C4orf51: variants seen among roughly 807,000 people sequenced by gnomAD.
The protein encoded by C4orf51 is uncharacterized protein C4orf51.
A neutral mutation model predicts 25.2 loss-of-function variants in C4orf51; 25 were observed. The observed-to-expected ratio is 0.99, with a 90% confidence interval of 0.72 to 1.39. The LOEUF is 1.39. C4orf51 is among the 40% of genes most tolerant of loss of function. The pLI is 0.00. For synonymous variants in C4orf51, 100 were observed against 84.5 expected, an observed-to-expected ratio of 1.18 and a Z score of -1.01; for missense variants, 252 against 239.6, an observed-to-expected ratio of 1.05 and a Z score of -0.34.
At chr4:145,716,118 C>T (rs1370066611) in intron 2 of C4orf51, among the ~76,000 whole-genome samples, 1 of 152,144 alleles carries the variant, frequency 6.6e-6, no homozygotes, top group Non-Finnish European at 1.5e-5. Flanking sequence ...TCAAAATTGT[C>T]TATTAATTAG....
chr4:145,691,982 G>T, intron 1 of C4orf51, among the ~76,000 whole-genome samples: 1 of 84,608 alleles, frequency 1.2e-5, no homozygotes, highest in African/African-American at 6.8e-5. Flanking sequence ...ACAGCTGATA[G>T]GAATGTAAGT....
At position 145,763,290 on chromosome 4, in the gene C4orf51, CAA is replaced by C. The variant is rs961045912; in HGVS notation, n.167-7696_167-7695del. 1.3e-5 allele frequency among the ~76,000 whole-genome samples: 2 copies of C among 152,234 alleles called. No individual in the cohort carries two copies. Among genetic ancestry groups the C allele is most frequent in the Non-Finnish European group, 2.9e-5 (2 of 68,048 alleles). On this transcript the variant is annotated intron_variant and non_coding_transcript_variant, in intron 1 of 1. Coordinates refer to the C4orf51 transcript ENST00000510096. This position sits in a 1 kb window ranked among gnomAD's most constrained non-coding sequence, Gnocchi z 4.6. ...CTCAATCTTTCTTTCACTGCTCAGG[CAA>C]AGTGCTAAGGGTTTTCCGTGCTCCC...
At position 145,690,976 on chromosome 4, in the gene C4orf51, G is replaced by C. The variant is rs145444734; in HGVS notation, c.234-5583G>C. 5.0e-3 allele frequency among the ~76,000 whole-genome samples: 762 copies of C among 152,214 alleles called. 3 individuals are homozygous for C. The highest frequency in any genetic ancestry group is 0.017 in the African/African-American group (713 of 41,534). ...CACAAAAAAAGAATTAGCCAGATGTGGGGGCATGTGTCTGTGGTCCCAGCT... is the reference window on the plus strand; with the variant it reads ...CACAAAAAAAGAATTAGCCAGATGTCGGGGCATGTGTCTGTGGTCCCAGCT... On this transcript the variant is annotated intron_variant, in intron 1 of 5. Transcript: ENST00000438731.
chr4:145,757,537 G>A (rs1242315764), downstream of C4orf51: 2 of 151,840 alleles, frequency 1.3e-5, no homozygotes, highest in Non-Finnish European at 1.5e-5. Context: ...AAAATACACA[G>A]AGAAGTAAAA....
chr4:145,753,872 A>T (rs1733809344), intron 1 of C4orf51, among the ~76,000 whole-genome samples: 1 of 152,210 alleles, frequency 6.6e-6, no homozygotes, highest in Non-Finnish European at 1.5e-5. Context: ...ATCCCATCAG[A>T]GAAATAACAC....
chr4:145,721,484 C>T (rs1157211309), intron 2 of C4orf51, among the ~76,000 whole-genome samples: 2 of 152,132 alleles, frequency 1.3e-5, no homozygotes, highest in African/African-American at 2.4e-5. Flanking sequence ...CAGAGAATCC[C>T]GGGATGGGCC....
intron 1 of C4orf51, among the ~76,000 whole-genome samples, chr4:145,696,345 C>T (rs1730048992): frequency 6.6e-6 from 1 of 152,026 alleles, no homozygotes; most frequent in South Asian, 2.1e-4. Flanking sequence ...AAATTGCTAT[C>T]GGGTATTAGA....
At chr4:145,682,656 G>A (rs924599565) in intron 1 of C4orf51, among the ~76,000 whole-genome samples, 1 of 152,174 alleles carries the variant, frequency 6.6e-6, no homozygotes, top group African/African-American at 2.4e-5. Flanking sequence ...CTTGGTAAAA[G>A]TCTTGATCAT....
At chr4:145,707,289 C>G (rs1730873283) in intron 2 of C4orf51, among the ~76,000 whole-genome samples, 1 of 152,180 alleles carries the variant, frequency 6.6e-6, no homozygotes, top group Non-Finnish European at 1.5e-5. Flanking sequence ...CCTTCCGTGC[C>G]TTTAGAACCT....
intron 3 of C4orf51, among the ~76,000 whole-genome samples, chr4:145,728,700 T>C (rs1732252543): frequency 6.6e-6 from 1 of 152,242 alleles, no homozygotes; most frequent in African/African-American, 2.4e-5. Context: ...TTAATTAATT[T>C]ACAAATAAAT....
Position 145,740,220 on chromosome 4 carries a change from T to C in C4orf51, n.167+7601T>C, listed in dbSNP as rs140941473. Among the ~76,000 whole-genome samples, 151 of 126,340 alleles carry C rather than the reference T, an allele frequency of 1.2e-3. 2 individuals carry two copies. Among genetic ancestry groups the C allele is most frequent in the African/African-American group, 4.6e-3 (146 of 31,892 alleles). 82.9% of individuals were successfully genotyped at this position (126,340 alleles called of 152,430 possible). A position where few individuals can be genotyped will look rare whatever the true frequency, so the allele number is the denominator to read the frequency against. On this transcript the variant is annotated intron_variant and non_coding_transcript_variant, in intron 1 of 1. Coordinates refer to the C4orf51 transcript ENST00000508981. ...AGAGGGTGAAATGCTTTCCAAATTATAGCTATCTCTCCCTTTCTGCAAAAA... is the reference window on the plus strand; with the variant it reads ...AGAGGGTGAAATGCTTTCCAAATTACAGCTATCTCTCCCTTTCTGCAAAAA...
intron 5 of C4orf51, 66 bp from the exon 6 acceptor site, chr4:145,732,387 C>A: frequency 1.0e-6 from 1 of 977,442 alleles, no homozygotes; most frequent in Non-Finnish European, 1.6e-6. Flanking sequence ...CATTTAATTC[C>A]CAATTCTGTG....
intron 1 of C4orf51, among the ~76,000 whole-genome samples, chr4:145,689,046 A>G (rs1203243449): frequency 1.3e-5 from 2 of 152,246 alleles, no homozygotes; most frequent in African/African-American, 4.8e-5. Flanking sequence ...AGACCCATGC[A>G]TATACAAGTA....
At chr4:145,714,956 C>T (rs1355286013) in intron 2 of C4orf51, among the ~76,000 whole-genome samples, 1 of 152,148 alleles carries the variant, frequency 6.6e-6, no homozygotes, top group Admixed American at 6.5e-5. Context: ...GACCAGATGC[C>T]GAGAGGCTCT....
intron 1 of C4orf51, among the ~76,000 whole-genome samples, chr4:145,691,384 GA>G (rs1729551198): frequency 6.6e-6 from 1 of 152,226 alleles, no homozygotes; most frequent in East Asian, 1.9e-4. Context: ...AAGTAGTTTG[GA>G]GATTTCTCAA....
chr4:145,784,771 T>C, the C4orf51 span, among the ~76,000 whole-genome samples: 2 of 152,228 alleles, frequency 1.3e-5, no homozygotes, highest in African/African-American at 4.8e-5. Flanking sequence ...CCCTTAGCAT[T>C]TGTTTCATTA....
intron 2 of C4orf51, among the ~76,000 whole-genome samples, chr4:145,710,765 C>T (rs375139486): frequency 7.9e-5 from 12 of 151,942 alleles, no homozygotes; most frequent in African/African-American, 2.4e-4. Flanking sequence ...CTGATGGTTG[C>T]CTGACATTCC....
chr4:145,719,827 G>A (rs1006221729), intron 2 of C4orf51, among the ~76,000 whole-genome samples: 3 of 152,176 alleles, frequency 2.0e-5, no homozygotes, highest in Non-Finnish European at 2.9e-5. Flanking sequence ...AATCTGAAAC[G>A]TATGCTTGAG....
chr4:145,786,579 T>C, the C4orf51 span, among the ~76,000 whole-genome samples: 25 of 152,204 alleles, frequency 1.6e-4, no homozygotes, highest in Non-Finnish European at 3.1e-4. Context: ...TAGTCTTGGA[T>C]AGGTTAAAAC....
Sources: allele counts gnomAD v4.1 joint callset (sites outside exome capture counted in the v4.1 genomes callset), GRCh38; gene constraint gnomAD v4.1.1; non-coding constraint Gnocchi (gnomAD v3.1); transcripts MANE v1.5; gene names NCBI Gene and HGNC (gene_info 2026-07-23, HGNC 2026-07-21).